The following SLC5A4 variants were observed in gnomAD, a reference collection of about 807,000 sequenced individuals.
The protein encoded by SLC5A4 is probable glucose sensor protein SLC5A4.
Under a neutral mutation model 70.3 loss-of-function variants are expected in SLC5A4, and 55 were observed. The ratio of observed to expected loss-of-function variants is 0.78; its 90% CI spans 0.63 to 0.98. SLC5A4 has a LOEUF of 0.98. SLC5A4 is among the 50% of genes least tolerant of loss of function. The probability of loss-of-function intolerance (pLI) is 0.00; values close to 1 mark genes in which losing one functional copy is unlikely to be tolerated. For missense variants in SLC5A4, 735 were observed against 839.2 expected, an observed-to-expected ratio of 0.88 and a Z score of 1.53; for synonymous variants, 268 against 305.7, an observed-to-expected ratio of 0.88 and a Z score of 1.29.
chr22:32,233,116 T>A, intron 8 of SLC5A4, 82 bp from the exon 9 acceptor site: 2 of 1,467,180 alleles, frequency 1.4e-6, no homozygotes, highest in South Asian at 2.6e-5. Flanking sequence ...CAGAGTTTAA[T>A]GTTGCAATAA....
chr22:32,228,687 C>T (rs2142559), intron 11 of SLC5A4, among the ~76,000 whole-genome samples: 28,608 of 152,034 alleles, frequency 0.19, 2,821 homozygotes, highest in Middle Eastern at 0.21. Flanking sequence ...TCAGGGTCCC[C>T]TGGGTTGACT....
intron 3 of SLC5A4, among the ~76,000 whole-genome samples, chr22:32,249,873 G>T (rs944095717): frequency 1.3e-5 from 2 of 152,132 alleles, no homozygotes; most frequent in Middle Eastern, 3.4e-3. Flanking sequence ...ACACAAATTT[G>T]TAAACTTTCT....
the SLC5A4 span, among the ~76,000 whole-genome samples, chr22:32,307,024 T>C: frequency 6.6e-6 from 1 of 152,140 alleles, no homozygotes; most frequent in Non-Finnish European, 1.5e-5. Context: ...TCCTGCATAT[T>C]TGGGAGGCTG....
chr22:32,259,952 C>G (rs1927676345), upstream of SLC5A4, among the ~76,000 whole-genome samples: 1 of 152,186 alleles, frequency 6.6e-6, no homozygotes, highest in South Asian at 2.1e-4. Flanking sequence ...ACAAGGCAGA[C>G]AGGGGAACAC....
At chr22:32,281,559 C>G in the SLC5A4 span, among the ~76,000 whole-genome samples, 1 of 152,158 alleles carries the variant, frequency 6.6e-6, no homozygotes, top group African/African-American at 2.4e-5. Flanking sequence ...GATGGGGTCT[C>G]ACTTTGTTGC....
chr22:32,271,549 G>T, the SLC5A4 span: 198 of 704,346 alleles, frequency 2.8e-4, no homozygotes, highest in African/African-American at 3.1e-3. Flanking sequence ...GCAGGTGGCC[G>T]CACAGAGGAG....
At chr22:32,331,206 A>ATTGGGGGCTGTGTG in the SLC5A4 span, among the ~76,000 whole-genome samples, 1 of 77,160 alleles carries the variant, frequency 1.3e-5, no homozygotes, top group Non-Finnish European at 2.3e-5. Context: ...TGGTGTGTGT[A>ATTGGGGGCTGTGTG]TTGGGGGCTG....
the SLC5A4 span, among the ~76,000 whole-genome samples, chr22:32,331,858 G>T: frequency 6.6e-6 from 1 of 152,048 alleles, no homozygotes; most frequent in Non-Finnish European, 1.5e-5. Flanking sequence ...ACGGGTGGGG[G>T]CTGCTCCTCC....
At chr22:32,327,879 G>A in the SLC5A4 span, among the ~76,000 whole-genome samples, 17 of 152,152 alleles carry the variant, frequency 1.1e-4, no homozygotes, top group South Asian at 2.1e-4. Flanking sequence ...GCTCTCTGCC[G>A]GGATGGGGCA....
At chr22:32,292,207 TAATA>T in the SLC5A4 span, among the ~76,000 whole-genome samples, 155 of 70,832 alleles carry the variant, frequency 2.2e-3, 16 homozygotes, top group African/African-American at 0.015. Context: ...AGATATTATA[TAATA>T]TATATATTAT....
intron 5 of SLC5A4, among the ~76,000 whole-genome samples, chr22:32,245,770 C>T (rs1486512257): frequency 3.9e-5 from 6 of 152,214 alleles, no homozygotes; most frequent in African/African-American, 9.6e-5. Context: ...CTGCCTGCCT[C>T]GGCCTCCCAG....
the SLC5A4 span, among the ~76,000 whole-genome samples, chr22:32,328,302 C>T: frequency 6.6e-6 from 1 of 152,166 alleles, no homozygotes; most frequent in Non-Finnish European, 1.5e-5. Context: ...CTCACACCCT[C>T]CTTTGGTACC....
chr22:32,331,942 T>A, the SLC5A4 span, among the ~76,000 whole-genome samples: 5 of 152,028 alleles, frequency 3.3e-5, no homozygotes, highest in East Asian at 3.9e-4. Flanking sequence ...CAAAGCCACA[T>A]CTGCCCCAAG....
the SLC5A4 span, among the ~76,000 whole-genome samples, chr22:32,297,286 ACT>A: frequency 3.4e-5 from 5 of 146,120 alleles, no homozygotes; most frequent in Non-Finnish European, 7.6e-5. Context: ...CTGGTCCTGG[ACT>A]CTTTTTGGTT....
chr22:32,271,851 T>C, the SLC5A4 span: 1 of 608,068 alleles, frequency 1.6e-6, no homozygotes, highest in East Asian at 4.2e-5. Flanking sequence ...AAGATCCCGC[T>C]GTGCTGCACG....
chr22:32,286,526 A>G, the SLC5A4 span, among the ~76,000 whole-genome samples: 1 of 152,132 alleles, frequency 6.6e-6, no homozygotes, highest in African/African-American at 2.4e-5. Context: ...GCGATAAACA[A>G]CCCTTTGTTT....
chr22:32,237,003 C>T (rs1926100265), intron 7 of SLC5A4, among the ~76,000 whole-genome samples: 1 of 152,090 alleles, frequency 6.6e-6, no homozygotes, highest in Non-Finnish European at 1.5e-5. Context: ...CGCGCCCGGC[C>T]TCTAAGCAGT....
chr22:32,234,729 GA>G (rs1443053537), intron 8 of SLC5A4, 143 bp downstream of exon 8: 2 of 697,572 alleles, frequency 2.9e-6, no homozygotes, highest in African/African-American at 3.6e-5. Flanking sequence ...CAAAAACAGA[GA>G]AGGGTTTGAC....
the SLC5A4 span, among the ~76,000 whole-genome samples, chr22:32,300,381 G>T: frequency 1.3e-5 from 2 of 152,102 alleles, no homozygotes; most frequent in Admixed American, 1.3e-4. Context: ...TTTTAAACCA[G>T]TCGGAAAAGC....
Sources: allele counts gnomAD v4.1 joint callset (sites outside exome capture counted in the v4.1 genomes callset), GRCh38; gene constraint gnomAD v4.1.1; transcripts MANE v1.5; gene names NCBI Gene and HGNC (gene_info 2026-07-23, HGNC 2026-07-21).